PLEKHA5: variants seen among roughly 807,000 people sequenced by gnomAD.
PLEKHA5 encodes the protein pleckstrin homology domain-containing family A member 5.
A neutral mutation model predicts 181.9 loss-of-function variants in PLEKHA5; 55 were observed. The observed-to-expected ratio is 0.30, with a 90% CI of 0.24 to 0.38. PLEKHA5 has a LOEUF of 0.38. Among genes scored for constraint, PLEKHA5 ranks in the 10% least tolerant of loss-of-function variants. PLEKHA5 has a pLI of 1.00. For missense variants in PLEKHA5, 1,432 were observed against 1,549.5 expected (o/e 0.92, Z 1.27); for synonymous variants, 535 against 529.4 (o/e 1.01, Z -0.15).
At chr12:19,302,905 AATTTT>A (rs1592390386) in intron 15 of PLEKHA5, among the ~76,000 whole-genome samples, 4 of 106,622 alleles carry the variant, frequency 3.8e-5, no homozygotes, top group African/African-American at 1.1e-4. Flanking sequence ...TTCTGTATGA[AATTTT>A]TTTTTTTTTT....
chr12:19,320,491 GTATT>G, intron 17 of PLEKHA5, 67 bp from the exon 18 acceptor site: 1 of 694,816 alleles, frequency 1.4e-6, no homozygotes, highest in Non-Finnish European at 2.5e-6. Context: ...TAAATCCAAA[GTATT>G]AATTAATAGG....
chr12:19,165,319 A>G (rs962241104), intron 3 of PLEKHA5, among the ~76,000 whole-genome samples: 1 of 152,120 alleles, frequency 6.6e-6, no homozygotes, highest in Non-Finnish European at 1.5e-5. Context: ...AGCACTATTT[A>G]TGTCAAGCTT....
At chr12:19,317,968 A>G (rs993421244) in intron 16 of PLEKHA5, among the ~76,000 whole-genome samples, 20 of 149,738 alleles carry the variant, frequency 1.3e-4, no homozygotes, top group Admixed American at 1.0e-3. Context: ...ATTTGAAAAA[A>G]ATGATAAACA....
At chr12:19,173,790 T>C (rs1366334078) in intron 3 of PLEKHA5, among the ~76,000 whole-genome samples, 1 of 152,180 alleles carries the variant, frequency 6.6e-6, no homozygotes. Context: ...CTTTTTGAAT[T>C]TGGCCAGGTC....
intron 3 of PLEKHA5, among the ~76,000 whole-genome samples, chr12:19,139,455 T>C (rs1338035710): frequency 6.6e-6 from 1 of 152,182 alleles, no homozygotes; most frequent in African/African-American, 2.4e-5. Context: ...CCTAAATGAC[T>C]ATCTAGCTAT....
intron 3 of PLEKHA5, among the ~76,000 whole-genome samples, chr12:19,230,618 G>A (rs1453999339): frequency 6.6e-6 from 1 of 152,198 alleles, no homozygotes; most frequent in Non-Finnish European, 1.5e-5. Flanking sequence ...GCCCCTCACT[G>A]CCTGGGGCCA....
chr12:19,203,028 G>A (rs1356587737), intron 3 of PLEKHA5, among the ~76,000 whole-genome samples: 1 of 152,044 alleles, frequency 6.6e-6, no homozygotes, highest in Non-Finnish European at 1.5e-5. Flanking sequence ...GGGTAAATCA[G>A]TAAGTTAAAG....
chr12:19,188,503 G>A (rs2050354446), intron 3 of PLEKHA5, among the ~76,000 whole-genome samples: 1 of 152,124 alleles, frequency 6.6e-6, no homozygotes, highest in African/African-American at 2.4e-5. Flanking sequence ...TCATTAATCT[G>A]TCTTTCATAT....
At chr12:19,281,938 C>T (rs1010536896) in intron 11 of PLEKHA5, among the ~76,000 whole-genome samples, 10 of 152,004 alleles carry the variant, frequency 6.6e-5, no homozygotes, top group African/African-American at 2.2e-4. Flanking sequence ...CCTGCCACCA[C>T]GCCCGGCTAA....
intron 15 of PLEKHA5, among the ~76,000 whole-genome samples, chr12:19,300,910 G>A (rs545578229): frequency 4.6e-4 from 69 of 151,412 alleles, no homozygotes; most frequent in African/African-American, 1.6e-3. Context: ...CGAGGTGGGC[G>A]GATCACCTGA....
chr12:19,314,068 T>C (rs1565605432), intron 15 of PLEKHA5, among the ~76,000 whole-genome samples: 1 of 152,150 alleles, frequency 6.6e-6, no homozygotes, highest in East Asian at 1.9e-4. Flanking sequence ...ATATACATCA[T>C]GATGGTCTTT....
intron 3 of PLEKHA5, among the ~76,000 whole-genome samples, chr12:19,137,331 A>G (rs945206125): frequency 7.9e-5 from 12 of 152,106 alleles, no homozygotes; most frequent in Non-Finnish European, 1.5e-4. Context: ...CTGGCCAAAA[A>G]CTGTTTTATA....
chr12:19,330,420 G>A (rs745503190), intron 20 of PLEKHA5, among the ~76,000 whole-genome samples: 18 of 151,982 alleles, frequency 1.2e-4, no homozygotes, highest in Non-Finnish European at 2.2e-4. Context: ...GTTTCAAGTC[G>A]AGGCTAAGTG....
At chr12:19,316,115 A>T (rs1014550001) in intron 16 of PLEKHA5, among the ~76,000 whole-genome samples, 1 of 151,924 alleles carries the variant, frequency 6.6e-6, no homozygotes, top group African/African-American at 2.4e-5. Flanking sequence ...ATTCCGAATA[A>T]GTATTATTCC....
intron 3 of PLEKHA5, among the ~76,000 whole-genome samples, chr12:19,225,851 T>C (rs1284215560): frequency 6.6e-6 from 1 of 152,200 alleles, no homozygotes; most frequent in Non-Finnish European, 1.5e-5. Context: ...CTGGAAGTAA[T>C]GAAGATCATC....
chr12:19,302,905 AATTTTTTT>A lies in PLEKHA5; in HGVS notation c.2037+11209_2037+11216del, dbSNP rs1371653013. ...TGTTGGACAGCACTGTTCTGTATGA[AATTTTTTT>A]TTTTTTTTTTTTTTTTTTTTTTTTT... On this transcript the variant is annotated intron_variant, in intron 15 of 31. Transcript: ENST00000429027. Among the ~76,000 whole-genome samples, 9 of 106,624 alleles carry A rather than the reference AATTTTTTT, an allele frequency of 8.4e-5. No homozygotes were observed. The South Asian group carries it at 3.0e-3, about 36-fold the overall frequency. 69.9% of individuals were successfully genotyped at this position (106,624 alleles called of 152,430 possible). A position where few individuals can be genotyped will look rare whatever the true frequency, so the allele number is the denominator to read the frequency against.
chr12:19,172,421 G>C (rs2046120584), intron 3 of PLEKHA5, among the ~76,000 whole-genome samples: 1 of 145,786 alleles, frequency 6.9e-6, no homozygotes, highest in South Asian at 2.6e-4. Flanking sequence ...GTAACATAAA[G>C]AACTCCCAAA....
At chr12:19,179,889 A>C (rs1157138885) in intron 3 of PLEKHA5, among the ~76,000 whole-genome samples, 1 of 152,184 alleles carries the variant, frequency 6.6e-6, no homozygotes, top group Non-Finnish European at 1.5e-5. Flanking sequence ...TTAAAGAGAA[A>C]GGGTCTCGCT....
rs978439066 is a variant in PLEKHA5 at position 19,325,876 on chromosome 12, G to A, written c.2448+3209G>A. Among the ~76,000 whole-genome samples the A allele has an allele frequency of 7.8e-5, 10 of 128,452 alleles. No individual in the cohort carries two copies. The Middle Eastern group carries it at 0.02, about 260-fold the overall frequency. The allele number at this position is 128,452 out of a possible 152,430, so 84.3% of individuals were successfully genotyped here. A position where few individuals can be genotyped will look rare whatever the true frequency, so the allele number is the denominator to read the frequency against. ...TACAAAATTAGCCAGGCATGGTGGCGCATGCCTGTAATCCCAGCTACTCAG... is the reference window on the plus strand; with the variant it reads ...TACAAAATTAGCCAGGCATGGTGGCACATGCCTGTAATCCCAGCTACTCAG... On this transcript the variant is annotated intron_variant, in intron 20 of 31. Coordinates refer to ENST00000429027, the MANE Select transcript of PLEKHA5 (RefSeq NM_001256470.2).
Sources: gnomAD v4.1 joint callset for allele counts (sites outside exome capture counted in the v4.1 genomes callset) on GRCh38, gnomAD v4.1.1 for gene constraint, MANE v1.5 for transcripts, NCBI Gene and HGNC (gene_info 2026-07-23, HGNC 2026-07-21) for gene names.